The following DEFB109B variants were observed in gnomAD, a reference collection of about 807,000 sequenced individuals.
DEFB109B encodes the protein defensin beta 109B.
intron 1 of DEFB109B, among the ~76,000 whole-genome samples, chr8:7,313,122 G>C (rs1469340238): frequency 3.2e-5 from 4 of 123,110 alleles, no homozygotes; most frequent in Non-Finnish European, 4.7e-5. Context: ...ATATAATAAT[G>C]GATGCTGCTG....
rs1483716204 is a variant in DEFB109B, at chr8:7,313,846, CA to C, written n.58+945del. ...TTTATAATAACCTGGCAACACTGAA[CA>C]AGAGAAAATGAGAACATGCTTAAAA... On this transcript the variant is annotated intron_variant and non_coding_transcript_variant, in intron 1 of 1. Transcript: ENST00000382656. Among the ~76,000 whole-genome samples, 20 of 125,854 alleles carry C rather than the reference CA, an allele frequency of 1.6e-4. No individual in the cohort carries two copies. In the East Asian group the frequency reaches 3.2e-3, roughly 20 times the overall value. 82.6% of individuals were successfully genotyped at this position (125,854 alleles called of 152,430 possible).
At chr8:7,319,768 G>T (rs767972452) in exon 2 of DEFB109B, 1 of 144,772 alleles carries the variant, frequency 6.9e-6, no homozygotes, top group Non-Finnish European at 1.5e-5. Flanking sequence ...TGGGTCCTGC[G>T]GAAGGTCATT....
upstream of DEFB109B, among the ~76,000 whole-genome samples, chr8:7,309,598 C>T (rs1276701574): frequency 9.5e-5 from 14 of 147,962 alleles, no homozygotes; most frequent in East Asian, 1.4e-3. Context: ...ACAGAGCATG[C>T]CCTTCTGCAT....
chr8:7,310,602 TGTGCATGTGC>T (rs1802567634), upstream of DEFB109B, among the ~76,000 whole-genome samples: 1 of 143,044 alleles, frequency 7.0e-6, no homozygotes, highest in African/African-American at 3.0e-5. Context: ...TGTGTGTGTG[TGTGCATGTGC>T]GTGCCTTTGC....
At chr8:7,315,610 A>G (rs1239998318) in intron 1 of DEFB109B, among the ~76,000 whole-genome samples, 2 of 132,208 alleles carry the variant, frequency 1.5e-5, no homozygotes, top group East Asian at 4.2e-4. Context: ...GCCCCTACTG[A>G]TGCTAAACTA....
chr8:7,319,527 C>T (rs1160438225), intron 1 of DEFB109B: 3 of 133,896 alleles, frequency 2.2e-5, no homozygotes, highest in African/African-American at 3.5e-5. Context: ...CCTCCCACAT[C>T]CCTTTTCCCC....
upstream of DEFB109B, among the ~76,000 whole-genome samples, chr8:7,311,865 G>A (rs1179444143): frequency 3.6e-5 from 2 of 56,076 alleles, no homozygotes; most frequent in Non-Finnish European, 5.5e-5. Context: ...AAAAACAAAA[G>A]ATTTTTAAAA....
At chr8:7,313,650 T>C (rs1340309529) in intron 1 of DEFB109B, among the ~76,000 whole-genome samples, 1 of 144,158 alleles carries the variant, frequency 6.9e-6, no homozygotes, top group Admixed American at 6.7e-5. Context: ...AATACAAAAA[T>C]GGCTAAAATT....
At chr8:7,319,825 A>G (rs1353084658) in exon 2 of DEFB109B, 1 of 119,626 alleles carries the variant, frequency 8.4e-6, no homozygotes, top group Non-Finnish European at 1.6e-5. Context: ...GCAACATAGT[A>G]GAAGATCAAA....
intron 1 of DEFB109B, among the ~76,000 whole-genome samples, chr8:7,315,438 G>C (rs1452809610): frequency 7.2e-6 from 1 of 138,390 alleles, no homozygotes; most frequent in Non-Finnish European, 1.5e-5. Flanking sequence ...GGCGGAGGTT[G>C]CGGTGAGCCG....
chr8:7,312,435 A>G (rs1201519874), upstream of DEFB109B, among the ~76,000 whole-genome samples: 4 of 141,068 alleles, frequency 2.8e-5, no homozygotes, highest in Non-Finnish European at 6.0e-5. Context: ...ACAAGATAAT[A>G]CTTATGTGCA....
At chr8:7,315,679 T>C (rs1405832310) in intron 1 of DEFB109B, among the ~76,000 whole-genome samples, 6 of 133,228 alleles carry the variant, frequency 4.5e-5, no homozygotes, top group Non-Finnish European at 9.1e-5. Flanking sequence ...TTCCTTCTTA[T>C]CTCCATCAAG....
At chr8:7,313,303 C>T (rs892242536) in intron 1 of DEFB109B, among the ~76,000 whole-genome samples, 1 of 144,892 alleles carries the variant, frequency 6.9e-6, no homozygotes, top group Non-Finnish European at 1.5e-5. Context: ...ATTTCGGTGG[C>T]ATCTATTATT....
At chr8:7,309,873 GTA>G (rs1385131245), upstream of DEFB109B, among the ~76,000 whole-genome samples, 9 of 94,316 alleles carry the variant, frequency 9.5e-5, no homozygotes, top group African/African-American at 4.8e-4. Flanking sequence ...CCATGGACGT[GTA>G]AGAATGCGGA....
chr8:7,315,544 G>T (rs1585315232), intron 1 of DEFB109B, among the ~76,000 whole-genome samples: 1 of 131,260 alleles, frequency 7.6e-6, no homozygotes, highest in Non-Finnish European at 1.5e-5. Flanking sequence ...GAAAGAGAAA[G>T]AAAGAAAAGA....
intron 1 of DEFB109B, among the ~76,000 whole-genome samples, chr8:7,316,786 T>A (rs1802965787): frequency 7.4e-6 from 1 of 135,766 alleles, no homozygotes. Flanking sequence ...ACCACCATCT[T>A]CAGCTAATAT....
At chr8:7,313,587 G>A (rs1390661613) in intron 1 of DEFB109B, among the ~76,000 whole-genome samples, 4 of 144,550 alleles carry the variant, frequency 2.8e-5, no homozygotes, top group South Asian at 4.2e-4. Flanking sequence ...ACCAACAAGT[G>A]CTGCTCAAGG....
intron 1 of DEFB109B, among the ~76,000 whole-genome samples, chr8:7,315,372 G>C (rs1257998962): frequency 1.5e-5 from 2 of 137,904 alleles, no homozygotes; most frequent in Admixed American, 6.7e-5. Flanking sequence ...GGTGGTACAT[G>C]CCTTTAGTCC....
chr8:7,313,672 G>T (rs1268890523), intron 1 of DEFB109B, among the ~76,000 whole-genome samples: 1 of 142,392 alleles, frequency 7.0e-6, no homozygotes. Flanking sequence ...ACTGGGCTAA[G>T]CATGCATTTT....
Sources: gnomAD v4.1 joint callset for allele counts (sites outside exome capture counted in the v4.1 genomes callset) on GRCh38, gnomAD v4.1.1 for gene constraint, MANE v1.5 for transcripts, NCBI Gene and HGNC (gene_info 2026-07-23, HGNC 2026-07-21) for gene names.